The following DOCK7 variants were observed in gnomAD, a reference collection of about 807,000 sequenced individuals.
DOCK7 encodes the protein dedicator of cytokinesis protein 7.
DOCK7 carries 138 observed loss-of-function variants against 271.0 expected under a neutral mutation model. The ratio of observed to expected loss-of-function variants is 0.51; its 90% CI spans 0.44 to 0.59. The LOEUF (loss-of-function observed/expected upper bound fraction) is 0.59, where lower values mean the gene tolerates loss of function less well. DOCK7 is among the 20% of genes least tolerant of loss of function. DOCK7 has a pLI of 0.00. For missense variants in DOCK7, 2,066 were observed against 2,592.4 expected (o/e 0.80, Z 4.41); for synonymous variants, 823 against 876.1 (o/e 0.94, Z 1.07).
At chr1:62,515,958 G>A (rs1644650830) in intron 31 of DOCK7, among the ~76,000 whole-genome samples, 1 of 152,162 alleles carries the variant, frequency 6.6e-6, no homozygotes, top group African/African-American at 2.4e-5. Context: ...GACAGAGCTG[G>A]CACTGTGGAT....
rs550955035 is a variant in DOCK7 at position 62,656,051 on chromosome 1, T to C, written c.145-1892A>G. On this transcript the variant is annotated intron_variant, in intron 2 of 49. Coordinates refer to ENST00000635253, the MANE Select transcript of DOCK7 (RefSeq NM_001367561.1). ...CTATCTTATTAAGTACAAATTATTC[T>C]ATGATGTTCTTAACAAAGAAAAAGA... Among the ~76,000 whole-genome samples, 30 of 152,332 alleles carry C rather than the reference T, an allele frequency of 2.0e-4. 1 individual carries two copies. Among genetic ancestry groups the C allele is most frequent in the Middle Eastern group, 3.4e-3 (1 of 294 alleles).
chr1:62,665,469 G>A (rs1473471230), intron 1 of DOCK7, among the ~76,000 whole-genome samples: 2 of 151,828 alleles, frequency 1.3e-5, no homozygotes, highest in East Asian at 1.9e-4. Flanking sequence ...ACTTTAGGAG[G>A]CCAAGGCCAG....
intron 1 of DOCK7, among the ~76,000 whole-genome samples, chr1:62,666,941 C>T (rs1239707006): frequency 6.6e-6 from 1 of 152,218 alleles, no homozygotes; most frequent in Non-Finnish European, 1.5e-5. Context: ...CTACAAGCTA[C>T]GTATGTCAAC....
intron 2 of DOCK7, among the ~76,000 whole-genome samples, chr1:62,661,893 G>A (rs1202815017): frequency 6.6e-6 from 1 of 152,088 alleles, no homozygotes; most frequent in Admixed American, 6.5e-5. Flanking sequence ...GAAGAGAGGC[G>A]TTCAAGACAC....
At position 62,505,889 on chromosome 1, in the gene DOCK7, A is replaced by T. The variant is rs1049261670; in HGVS notation, c.4477-73T>A. 2.6e-5 allele frequency: 37 copies of T among 1,447,594 alleles called. No homozygotes were observed. In the African/African-American group the frequency reaches 5.0e-4, roughly 20 times the overall value. 89.7% of individuals were successfully genotyped at this position (1,447,594 alleles called of 1,614,324 possible). On this transcript the variant is annotated intron_variant, in intron 35 of 49. Coordinates refer to ENST00000635253, the MANE Select transcript of DOCK7 (RefSeq NM_001367561.1). ...AGTTATGGATGTTACAGGCCTCCCT[A>T]TGTATAAATAAAGGCCTCCCTGTAT... is the stretch of plus-strand genomic sequence containing the variant.
At chr1:62,612,159 C>T (rs1012170046) in intron 14 of DOCK7, among the ~76,000 whole-genome samples, 3 of 151,772 alleles carry the variant, frequency 2.0e-5, no homozygotes, top group African/African-American at 7.3e-5. Context: ...CTGTCACACA[C>T]AAACACACAA....
rs1650606899 is a variant in DOCK7 at position 62,604,252 on chromosome 1, C to T, written c.1682+14454G>A. The T allele has an allele frequency of 6.2e-7, 1 of 1,611,730 alleles. No homozygotes were observed. Among genetic ancestry groups the T allele is most frequent in the South Asian group, 1.1e-5 (1 of 90,990 alleles). On this transcript the variant is annotated intron_variant, in intron 14 of 49. Coordinates refer to ENST00000635253, the MANE Select transcript of DOCK7 (RefSeq NM_001367561.1). The stretch of plus-strand genomic sequence containing the variant: ...GTTATTCAGGTATCTTTTTCTGATA[C>T]CAATACTTTATTTTCATATCTTCAA...
At chr1:62,601,880 C>G in intron 14 of DOCK7, 6 of 1,593,704 alleles carry the variant, frequency 3.8e-6, no homozygotes, top group Non-Finnish European at 5.2e-6. Flanking sequence ...GATGTTATAT[C>G]AGGTAAAACC....
Position 62,672,978 on chromosome 1 carries a change from A to G in DOCK7, c.39-9848T>C, listed in dbSNP as rs191184949. ...TGTATATACTAACATAGTAATAGGAACACTAGAATGACTACCACCATTGTT... is the reference window on the plus strand; with the variant it reads ...TGTATATACTAACATAGTAATAGGAGCACTAGAATGACTACCACCATTGTT... On this transcript the variant is annotated intron_variant, in intron 1 of 49. Transcript: ENST00000635253. Among the ~76,000 whole-genome samples, 370 of 152,260 alleles carry G rather than the reference A, an allele frequency of 2.4e-3. 2 individuals are homozygous for G. The highest frequency in any genetic ancestry group is 8.2e-3 in the African/African-American group (340 of 41,568).
chr1:62,541,679 C>T (rs1432849708), intron 25 of DOCK7, among the ~76,000 whole-genome samples: 1 of 152,102 alleles, frequency 6.6e-6, no homozygotes, highest in East Asian at 1.9e-4. Flanking sequence ...ACCAGTAAGG[C>T]ATCTGGTCAG....
intron 2 of DOCK7, among the ~76,000 whole-genome samples, chr1:62,660,206 A>C (rs1658504667): frequency 6.6e-6 from 1 of 152,206 alleles, no homozygotes; most frequent in Non-Finnish European, 1.5e-5. Flanking sequence ...AAAAGAACTG[A>C]AATCAGACAG....
chr1:62,537,765 T>C, intron 28 of DOCK7, 126 bp downstream of exon 28: 1 of 837,400 alleles, frequency 1.2e-6, no homozygotes, highest in South Asian at 2.4e-5. Context: ...TTTTAATACT[T>C]ACAAAGCACT....
At chr1:62,499,581 A>G (rs1646720481) in intron 37 of DOCK7, among the ~76,000 whole-genome samples, 1 of 151,730 alleles carries the variant, frequency 6.6e-6, no homozygotes, top group African/African-American at 2.4e-5. Context: ...CCTCTAAGTA[A>G]GAAACTTAGC....
rs1210870491 is a variant in DOCK7 at position 62,475,814 on chromosome 1, G to A, written c.5854C>T (p.Arg1952Cys). 2 of 1,614,016 alleles carry A rather than the reference G, an allele frequency of 1.2e-6. No individual in the cohort carries two copies. The highest frequency in any genetic ancestry group is 1.1e-5 in the South Asian group (1 of 91,082). ...MYCTPFTLDGRAHGELHEQFK... is the reference protein window; with the variant it reads ...MYCTPFTLDGCAHGELHEQFK... ...TGTTCATGAAGTTCCCCATGGGCAC[G>A]GCCATCTAAAGTAAAGGGTGTACAG... Residue 1952 changes from arginine to cysteine, a missense_variant, in exon 46 of 50, where the codon CGT becomes TGT. By Grantham distance (180) the Arg-to-Cys change is radical. Around this residue, in one of 2 missense-constraint regions of DOCK7, gnomAD observed 652 missense variants for 922.1 expected, o/e 0.71. Transcript: ENST00000635253.
chr1:62,528,360 C>T (rs1645077824), intron 30 of DOCK7, 55 bp from the exon 31 acceptor site: 1 of 1,479,238 alleles, frequency 6.8e-7, no homozygotes. Context: ...AACTAATTCC[C>T]TTTCCTATTC....
chr1:62,646,887 A>G lies in DOCK7; in HGVS notation c.818+804T>C, dbSNP rs117039183. Among the ~76,000 whole-genome samples the G allele has an allele frequency of 6.1e-3, 925 of 152,322 alleles. 11 individuals are homozygous for G. The highest frequency in any genetic ancestry group is 0.047 in the East Asian group (246 of 5,188). ...ATACTTTAAAAGGGTTAATTTTATG[A>G]TATATAAATTAGATCACAATAAAGC... On this transcript the variant is annotated intron_variant, in intron 7 of 49. Transcript: ENST00000635253.
Position 62,648,414 on chromosome 1 carries a change from C to T in DOCK7, c.519+1G>A. 1 of 1,516,674 alleles carries T rather than the reference C, an allele frequency of 6.6e-7. No individual in the cohort carries two copies. Among genetic ancestry groups the T allele is most frequent in the Non-Finnish European group, 8.8e-7 (1 of 1,134,194 alleles). 94.0% of individuals were successfully genotyped at this position (1,516,674 alleles called of 1,614,324 possible). A position where few individuals can be genotyped will look rare whatever the true frequency, so the allele number is the denominator to read the frequency against. ...TAGTTATTTAAGAATAAAAGTATTACTTGATCATCCTGGTAGCTGTTGCCA... is the reference window on the plus strand; with the variant it reads ...TAGTTATTTAAGAATAAAAGTATTATTTGATCATCCTGGTAGCTGTTGCCA... On this transcript the variant is annotated splice_donor_variant, in intron 5 of 49. Coordinates refer to ENST00000635253, the MANE Select transcript of DOCK7 (RefSeq NM_001367561.1). LOFTEE classifies it high-confidence loss of function.
rs1168041 is a variant in DOCK7 at position 62,494,579 on chromosome 1, T to C, written c.5025-112A>G. The C allele has an allele frequency of 0.66, 524,020 of 788,780 alleles. 178,405 individuals are homozygous for C. The highest frequency in any genetic ancestry group is 0.8 in the East Asian group (28,708 of 35,760). The allele number at this position is 788,780 out of a possible 1,614,324, so 48.9% of individuals were successfully genotyped here. On this transcript the variant is annotated intron_variant, in intron 39 of 49. Coordinates refer to ENST00000635253, the MANE Select transcript of DOCK7 (RefSeq NM_001367561.1). Reference sequence around the variant, plus strand: ...AAGGTTTTTGATACTGTGCACAACCTACTTAGTTTTAAAGTAGTATGAAAA... The same window carrying C: ...AAGGTTTTTGATACTGTGCACAACCCACTTAGTTTTAAAGTAGTATGAAAA...
intron 22 of DOCK7, among the ~76,000 whole-genome samples, chr1:62,546,790 C>T (rs931837933): frequency 1.3e-5 from 2 of 152,046 alleles, no homozygotes; most frequent in East Asian, 1.9e-4. Context: ...TACAATATTT[C>T]GAATAAAAGC....
Sources: gnomAD v4.1 joint callset for allele counts (sites outside exome capture counted in the v4.1 genomes callset) on GRCh38, gnomAD v4.1.1 for gene constraint, gnomAD v4.1.1 regional missense constraint, MANE v1.5 for transcripts, NCBI Gene and HGNC (gene_info 2026-07-23, HGNC 2026-07-21) for gene names.